SYCP2: variants seen among roughly 807,000 people sequenced by gnomAD.
The protein encoded by SYCP2 is synaptonemal complex lateral element protein.
In SYCP2, 55 loss-of-function variants were observed where a neutral mutation model predicts 211.3. The observed-to-expected ratio is 0.26, with a 90% CI of 0.21 to 0.33. The LOEUF (loss-of-function observed/expected upper bound fraction) is 0.33. Among genes scored for constraint, SYCP2 ranks in the 10% least tolerant of loss-of-function variants. The pLI, the probability that SYCP2 is intolerant of heterozygous loss-of-function variation, is 1.00. For synonymous variants in SYCP2, 570 were observed against 555.2 expected, an observed-to-expected ratio of 1.03 and a Z score of -0.37; for missense variants, 1,731 against 1,752.0, an observed-to-expected ratio of 0.99 and a Z score of 0.21.
chr20:59,932,691 A>C (rs1286024988), intron 1 of SYCP2, among the ~76,000 whole-genome samples: 2 of 152,076 alleles, frequency 1.3e-5, no homozygotes, highest in Non-Finnish European at 2.9e-5. Flanking sequence ...AAAACAACAA[A>C]AAAAAACCAC....
chr20:59,918,560 T>G (rs2060484087), intron 7 of SYCP2, among the ~76,000 whole-genome samples: 1 of 152,202 alleles, frequency 6.6e-6, no homozygotes, highest in Non-Finnish European at 1.5e-5. Flanking sequence ...TTGGAAGTGA[T>G]TAATTTGCAA....
chr20:59,921,574 A>C, intron 3 of SYCP2, 121 bp from the exon 4 acceptor site: 1 of 591,720 alleles, frequency 1.7e-6, no homozygotes, highest in Non-Finnish European at 2.5e-6. Context: ...TAAAATATTA[A>C]TTCACGTATT....
At chr20:59,871,535 G>A (rs2059451363) in intron 35 of SYCP2, among the ~76,000 whole-genome samples, 1 of 151,990 alleles carries the variant, frequency 6.6e-6, no homozygotes, top group East Asian at 1.9e-4. Context: ...AAGATGGTGG[G>A]TGGGGATTAC....
chr20:59,907,474 C>T (rs773151640), intron 14 of SYCP2, 50 bp from the exon 15 acceptor site: 42 of 1,472,694 alleles, frequency 2.9e-5, no homozygotes, highest in Non-Finnish European at 3.7e-5. Context: ...TTCTGATTTA[C>T]AGTTTCTTTA....
intron 35 of SYCP2, among the ~76,000 whole-genome samples, chr20:59,873,650 T>G (rs1343136957): frequency 1.3e-5 from 2 of 152,096 alleles, no homozygotes; most frequent in Non-Finnish European, 2.9e-5. Flanking sequence ...CTTCCTCCTG[T>G]ATAGCTATAC....
At chr20:59,931,004 A>G (rs1403393011) in intron 2 of SYCP2, among the ~76,000 whole-genome samples, 1 of 152,066 alleles carries the variant, frequency 6.6e-6, no homozygotes, top group Non-Finnish European at 1.5e-5. Flanking sequence ...TGAACTATAT[A>G]TAGTAACTTA....
Position 59,907,358 on chromosome 20 carries a change from T to C in SYCP2, c.1033+6A>G. 1 of 1,580,820 alleles carries C rather than the reference T, an allele frequency of 6.3e-7. No individual in the cohort carries two copies. Among genetic ancestry groups the C allele is most frequent in the Non-Finnish European group, 8.7e-7 (1 of 1,153,802 alleles). The stretch of plus-strand genomic sequence containing the variant: ...GAAAATTATTAGAAAAAAACAAGTT[T>C]AATACCTTCAATGCTGTATATTTGT... On this transcript the variant is annotated splice_donor_region_variant and intron_variant, in intron 15 of 44. Transcript: ENST00000357552.
Position 59,899,772 on chromosome 20 carries a change from A to C in SYCP2, c.1404+366T>G, listed in dbSNP as rs140329291. On this transcript the variant is annotated intron_variant, in intron 18 of 44. Transcript: ENST00000357552. ...CAATGGAAAAGAAAAGGAGTAAAAGAAAGAACCTCATACTTTTTTTTTTCC... is the reference window on the plus strand; with the variant it reads ...CAATGGAAAAGAAAAGGAGTAAAAGCAAGAACCTCATACTTTTTTTTTTCC... Among the ~76,000 whole-genome samples, 35 of 151,790 alleles carry C rather than the reference A, an allele frequency of 2.3e-4. No homozygotes were observed. The East Asian group carries it at 5.6e-3, about 24-fold the overall frequency.
chr20:59,868,649 A>G, intron 37 of SYCP2, 81 bp from the exon 38 acceptor site: 1 of 1,442,274 alleles, frequency 6.9e-7, no homozygotes, highest in Non-Finnish European at 9.2e-7. Context: ...TATTTTAAAA[A>G]GGCTTTGTTT....
rs757655234 is a variant in SYCP2, at chr20:59,880,439, A to T, written c.2805T>A (p.Phe935Leu). 6.3e-7 allele frequency: 1 copy of T among 1,587,010 alleles called. No homozygotes were observed. The highest frequency in any genetic ancestry group is 8.6e-7 in the Non-Finnish European group (1 of 1,165,354). ...IITNHQKKNLFSDTETEYRCD... is the reference protein window; with the variant it reads ...IITNHQKKNLLSDTETEYRCD... ...ATCTGTACTCTGTTTCAGTATCACT[A>T]AACAGATTTTTCTTTTGATGATTTG... Residue 935 changes from phenylalanine (F) to leucine (L), a missense_variant, in exon 31 of 45, where the codon TTT becomes TTA. Physicochemically the swap from Phe to Leu is conservative, Grantham distance 22. Transcript: ENST00000357552.
At chr20:59,909,405 G>A (rs1262170103) in intron 14 of SYCP2, among the ~76,000 whole-genome samples, 2 of 152,216 alleles carry the variant, frequency 1.3e-5, no homozygotes, top group Non-Finnish European at 2.9e-5. Context: ...CATGCCCATC[G>A]TTATATCTCA....
rs755847054 is a variant in SYCP2 at position 59,912,410 on chromosome 20, G to A, written c.839C>T (p.Thr280Ile). 2.8e-6 allele frequency: 3 copies of A among 1,068,750 alleles called. No homozygotes were observed. Among genetic ancestry groups the A allele is most frequent in the South Asian group, 1.5e-5 (1 of 67,386 alleles). 66.2% of individuals were successfully genotyped at this position (1,068,750 alleles called of 1,614,324 possible). Residue 280 changes from threonine to isoleucine, a missense_variant, in exon 13 of 45, where the codon ACA (threonine) becomes ATA (isoleucine). Coordinates refer to ENST00000357552, the MANE Select transcript of SYCP2 (RefSeq NM_014258.4). ...GMLGDKRRVF[T>I]FPCLSAFLDK... ...AAGAAATGCTGATAAACAAGGAAAT[G>A]TAAAGACCCTGAAATAAAAAGTAGT...
Position 59,865,399 on chromosome 20 carries a change from G to A in SYCP2, c.4504C>T (p.Leu1502Phe), listed in dbSNP as rs1250313031. 2 of 1,608,804 alleles carry A rather than the reference G, an allele frequency of 1.2e-6. No individual in the cohort carries two copies. The highest frequency in any genetic ancestry group is 4.5e-5 in the East Asian group (2 of 44,628). Reference sequence around the variant, plus strand: ...CTTAGTTGACTTACCATGTCCTTAAGAAGCCTGTCTTGCAGCACTTTCATA... The same window carrying A: ...CTTAGTTGACTTACCATGTCCTTAAAAAGCCTGTCTTGCAGCACTTTCATA... ...EDMKVLQDRLLKDMLEEELLN... is the reference protein window; with the variant it reads ...EDMKVLQDRLFKDMLEEELLN... Residue 1502 changes from leucine to phenylalanine, a missense_variant, in exon 44 of 45, where the codon CTT becomes TTT. Coordinates refer to ENST00000357552, the MANE Select transcript of SYCP2 (RefSeq NM_014258.4).
chr20:59,872,829 T>C (rs931224210), intron 35 of SYCP2, among the ~76,000 whole-genome samples: 2 of 152,116 alleles, frequency 1.3e-5, no homozygotes. Flanking sequence ...CACCATAATT[T>C]AAAGTCTATG....
At position 59,867,738 on chromosome 20, in the gene SYCP2, G is replaced by A; in HGVS notation, c.4098C>T (p.Leu1366=). 2 of 1,608,574 alleles carry A rather than the reference G, an allele frequency of 1.2e-6. No individual in the cohort carries two copies. Among genetic ancestry groups the A allele is most frequent in the South Asian group, 1.1e-5 (1 of 90,742 alleles). The change falls in exon 39 of 45, where the codon CTC becomes CTT. Residue 1366 remains leucine (L), a synonymous_variant. Transcript: ENST00000357552. ...IEMTYETYER[L]NSEFKRRNNI... is the part of the protein sequence containing the mutation. ...TATTCCTTCTCTTAAATTCTGAATT[G>A]AGCCTCTCGTAAGTCTCATAAGTCA...
intron 13 of SYCP2, 137 bp from the exon 14 acceptor site, chr20:59,911,982 T>C (rs568806012): frequency 1.2e-4 from 56 of 458,930 alleles, no homozygotes; most frequent in Admixed American, 4.2e-4. Flanking sequence ...AAGTATAATA[T>C]TTAGATAAAT....
At chr20:59,915,366 T>C in intron 9 of SYCP2, 99 bp downstream of exon 9, 2 of 997,126 alleles carry the variant, frequency 2.0e-6, no homozygotes, top group Non-Finnish European at 3.1e-6. Context: ...GCTGCAACAG[T>C]TTATCAGTTT....
intron 26 of SYCP2, among the ~76,000 whole-genome samples, chr20:59,884,024 C>T (rs1213209291): frequency 6.6e-6 from 1 of 151,910 alleles, no homozygotes; most frequent in Non-Finnish European, 1.5e-5. Flanking sequence ...CTTTAAATAT[C>T]GAAGACTTAA....
intron 7 of SYCP2, 49 bp downstream of exon 7, chr20:59,919,107 ACT>A (rs562797481): frequency 1.2e-3 from 1,136 of 970,990 alleles, no homozygotes; most frequent in Non-Finnish European, 1.6e-3. Flanking sequence ...TTATACTAAA[ACT>A]CTAACAGTAA....
Sources: gnomAD v4.1 joint callset for allele counts (sites outside exome capture counted in the v4.1 genomes callset) on GRCh38, gnomAD v4.1.1 for gene constraint, MANE v1.5 for transcripts, NCBI Gene and HGNC (gene_info 2026-07-23, HGNC 2026-07-21) for gene names.